Variants in UVSSA observed in about 807,000 individuals in gnomAD.
UVSSA encodes UV stimulated scaffold protein A.
In UVSSA, 72 loss-of-function variants were observed where a neutral mutation model predicts 73.9. The ratio of observed to expected loss-of-function variants is 0.97; its 90% CI spans 0.81 to 1.19. The LOEUF (loss-of-function observed/expected upper bound fraction) is 1.19. UVSSA is among the 50% of genes most tolerant of loss of function. UVSSA has a pLI of 0.00. For synonymous variants in UVSSA, 454 were observed against 391.3 expected (o/e 1.16, Z -1.89); for missense variants, 1,150 against 965.0 (o/e 1.19, Z -2.54).
At chr4:1,380,474 C>A (rs1276057570) in intron 11 of UVSSA, among the ~76,000 whole-genome samples, 1 of 152,188 alleles carries the variant, frequency 6.6e-6, no homozygotes, top group Non-Finnish European at 1.5e-5. Context: ...TGGGGACTCT[C>A]CAGGGGCCAA....
chr4:1,393,574 T>TTAGATAGATAGGTAGATAGA (rs1720454577), exon 14 of UVSSA: 3 of 147,584 alleles, frequency 2.0e-5, no homozygotes, highest in African/African-American at 7.6e-5. Context: ...GATAGATAGA[T>TTAGATAGATAGGTAGATAGA]TAGATAGATA....
At chr4:1,395,966 G>T in exon 14 of UVSSA, 1 of 1,497,796 alleles carries the variant, frequency 6.7e-7, no homozygotes, top group Non-Finnish European at 9.0e-7. Context: ...TTTCATGGAT[G>T]CTGATTAAAA....
chr4:1,369,217 G>C (rs1204964854), intron 8 of UVSSA, among the ~76,000 whole-genome samples: 5 of 152,248 alleles, frequency 3.3e-5, no homozygotes, highest in African/African-American at 1.2e-4. Flanking sequence ...AGTCGACCGG[G>C]TGCGAGCATG....
downstream of UVSSA, chr4:1,388,353 A>C (rs1720301812): frequency 6.6e-6 from 1 of 152,222 alleles, no homozygotes; most frequent in Non-Finnish European, 1.5e-5. Context: ...TCCTTGCTGA[A>C]CTTGTTTATT....
chr4:1,381,021 C>G, intron 12 of UVSSA, 33 bp downstream of exon 12: 1 of 1,597,520 alleles, frequency 6.3e-7, no homozygotes, highest in Non-Finnish European at 8.5e-7. Flanking sequence ...CCGTGGGAGG[C>G]ACAGCCTGGG....
upstream of UVSSA, among the ~76,000 whole-genome samples, chr4:1,345,097 T>C (rs1713571317): frequency 6.6e-6 from 1 of 151,998 alleles, no homozygotes; most frequent in Non-Finnish European, 1.5e-5. Context: ...CTTTCAAAGG[T>C]CCCTCTGGTT....
chr4:1,372,043 T>C (rs764676835), intron 8 of UVSSA, among the ~76,000 whole-genome samples: 1 of 152,260 alleles, frequency 6.6e-6, no homozygotes, highest in Non-Finnish European at 1.5e-5. Context: ...TCTTCTTGTT[T>C]ATTACACCTT....
chr4:1,361,688 G>A (rs1162711956), intron 7 of UVSSA, among the ~76,000 whole-genome samples: 1 of 152,244 alleles, frequency 6.6e-6, no homozygotes, highest in Non-Finnish European at 1.5e-5. Context: ...CGGCCTTCCA[G>A]GGAGGGCATT....
chr4:1,354,683 G>A (rs1715382110), intron 5 of UVSSA, 52 bp from the exon 6 acceptor site: 1 of 1,548,170 alleles, frequency 6.5e-7, no homozygotes, highest in South Asian at 1.1e-5. Context: ...TCCGGGGCCT[G>A]TGGGAGACGC....
At chr4:1,376,706 C>T (rs1718812375) in intron 10 of UVSSA, among the ~76,000 whole-genome samples, 1 of 152,194 alleles carries the variant, frequency 6.6e-6, no homozygotes, top group African/African-American at 2.4e-5. Context: ...GTCATCTGTG[C>T]GAAAGTCCGG....
intron 7 of UVSSA, among the ~76,000 whole-genome samples, chr4:1,356,422 G>A (rs2336080): frequency 0.02 from 3,028 of 152,302 alleles, 111 homozygotes; most frequent in African/African-American, 0.067. Flanking sequence ...CTTTAAGTCC[G>A]AAACTGACTC....
rs776635686 is a variant in UVSSA, at chr4:1,355,141, G to A, written c.1072G>A (p.Gly358Ser). ...GCGCTTCACCCGCGTCGGGACCCAC[G>A]GTGGATGTTTAAAGCGTGCCATTGA... Reference protein sequence around the residue: ...IQRFTRVGTHGGCLKRAIDLK... With the variant: ...IQRFTRVGTHSGCLKRAIDLK... Residue 358 changes from glycine to serine, a missense_variant, in exon 7 of 14, where the codon GGT becomes AGT. By Grantham distance (56) the Gly-to-Ser change is moderately conservative. Coordinates refer to ENST00000389851, the MANE Select transcript of UVSSA (RefSeq NM_020894.4). 1.5e-5 allele frequency: 25 copies of A among 1,613,660 alleles called. No homozygotes were observed. The highest frequency in any genetic ancestry group is 2.2e-5 in the South Asian group (2 of 91,080).
At chr4:1,359,557 G>A (rs1379204213) in intron 7 of UVSSA, 5 of 152,194 alleles carry the variant, frequency 3.3e-5, no homozygotes, top group Non-Finnish European at 7.3e-5. Flanking sequence ...TACCGTCAGC[G>A]TGGCTCTGTC....
exon 14 of UVSSA, chr4:1,393,562 T>C (rs1720453608): frequency 7.3e-6 from 1 of 136,360 alleles, no homozygotes; most frequent in Non-Finnish European, 1.6e-5. Flanking sequence ...CAAAACTAGA[T>C]AGATAGATAG....
chr4:1,366,234 T>G, intron 7 of UVSSA, 86 bp from the exon 8 acceptor site: 6 of 1,047,904 alleles, frequency 5.7e-6, no homozygotes, highest in African/African-American at 1.6e-5. Context: ...CCACAAGAAA[T>G]AGGAATTTCC....
chr4:1,368,487 G>A (rs939689504), intron 8 of UVSSA, among the ~76,000 whole-genome samples: 2 of 152,218 alleles, frequency 1.3e-5, no homozygotes, highest in African/African-American at 2.4e-5. Context: ...AAACACAACG[G>A]TGACAGCGCT....
exon 14 of UVSSA, chr4:1,393,623 G>C (rs920778103): frequency 6.8e-6 from 1 of 146,224 alleles, no homozygotes; most frequent in East Asian, 2.0e-4. Context: ...GATAGGATAA[G>C]ATAAGATAGA....
chr4:1,350,914 T>C (rs1025022752), intron 3 of UVSSA, among the ~76,000 whole-genome samples: 1 of 152,166 alleles, frequency 6.6e-6, no homozygotes, highest in African/African-American at 2.4e-5. Flanking sequence ...TTGTTGATGA[T>C]GTTGTTTTTG....
chr4:1,369,609 A>G (rs1482485644), intron 8 of UVSSA, among the ~76,000 whole-genome samples: 3 of 152,238 alleles, frequency 2.0e-5, no homozygotes, highest in African/African-American at 4.8e-5. Context: ...CTGTCAGGAC[A>G]TAATCTCTTT....
Sources: gnomAD v4.1 joint callset for allele counts (sites outside exome capture counted in the v4.1 genomes callset) on GRCh38, gnomAD v4.1.1 for gene constraint, MANE v1.5 for transcripts, NCBI Gene and HGNC (gene_info 2026-07-23, HGNC 2026-07-21) for gene names.